The following NBAS variants were observed in gnomAD, a reference collection of about 807,000 sequenced individuals.
The protein encoded by NBAS is NAG/BC035112 fusion.
NBAS carries 219 observed loss-of-function variants against 302.5 expected under a neutral mutation model. The observed-to-expected ratio is 0.72, with a 90% confidence interval of 0.65 to 0.81. NBAS has a LOEUF of 0.81. Ranked by LOEUF, NBAS falls within the 30% of genes least tolerant of loss-of-function variation. The probability of loss-of-function intolerance (pLI) is 0.00; values close to 1 mark genes in which losing one functional copy is unlikely to be tolerated. For synonymous variants in NBAS, 1,118 were observed against 1,021.6 expected, an observed-to-expected ratio of 1.09 and a Z score of -1.80; for missense variants, 2,932 against 2,841.6, an observed-to-expected ratio of 1.03 and a Z score of -0.72.
chr2:15,451,024 CTTCA>C (rs143577908), intron 21 of NBAS, among the ~76,000 whole-genome samples: 1 of 151,342 alleles, frequency 6.6e-6, no homozygotes, highest in Admixed American at 6.6e-5. Context: ...GGTAATTTAG[CTTCA>C]TTCATTCATT....
At chr2:15,318,149 AG>A (rs1481983189) in intron 38 of NBAS, among the ~76,000 whole-genome samples, 2 of 152,220 alleles carry the variant, frequency 1.3e-5, no homozygotes, top group African/African-American at 4.8e-5. Flanking sequence ...AGACAAACCA[AG>A]CTTCATAAGG....
the NBAS span, among the ~76,000 whole-genome samples, chr2:14,826,068 T>G: frequency 2.0e-5 from 3 of 152,320 alleles, no homozygotes; most frequent in South Asian, 4.1e-4. Context: ...TAAATGTTTT[T>G]TGTTTCAAGA....
At chr2:14,970,608 G>T in the NBAS span, among the ~76,000 whole-genome samples, 1 of 152,136 alleles carries the variant, frequency 6.6e-6, no homozygotes, top group Non-Finnish European at 1.5e-5. Context: ...TCTGGATTTC[G>T]GTCTCTTGGA....
the NBAS span, among the ~76,000 whole-genome samples, chr2:15,108,966 G>T: frequency 6.6e-6 from 1 of 152,032 alleles, no homozygotes; most frequent in African/African-American, 2.4e-5. Context: ...CAATCCACTG[G>T]AACAAGGAAA....
chr2:15,410,527 G>C (rs1158572349), intron 25 of NBAS, among the ~76,000 whole-genome samples: 2 of 152,012 alleles, frequency 1.3e-5, no homozygotes, highest in Admixed American at 6.5e-5. Context: ...CCAGATCTAA[G>C]AAAGAAAAAG....
the NBAS span, among the ~76,000 whole-genome samples, chr2:15,067,734 T>C: frequency 6.6e-6 from 1 of 152,130 alleles, no homozygotes; most frequent in Non-Finnish European, 1.5e-5. Context: ...GATGAGTAAG[T>C]TTAGAGATCT....
the NBAS span, among the ~76,000 whole-genome samples, chr2:14,862,465 G>A: frequency 1.6e-4 from 25 of 152,182 alleles, no homozygotes; most frequent in East Asian, 4.5e-3. Context: ...AGGTGGGTTA[G>A]CATAATTTCT....
the NBAS span, among the ~76,000 whole-genome samples, chr2:15,001,678 G>C: frequency 1.3e-5 from 2 of 152,042 alleles, no homozygotes; most frequent in African/African-American, 2.4e-5. Context: ...ATGAAGCCGC[G>C]GACCCTCGCA....
At chr2:14,954,869 TGGGTA>T in the NBAS span, among the ~76,000 whole-genome samples, 1 of 152,186 alleles carries the variant, frequency 6.6e-6, no homozygotes, top group Non-Finnish European at 1.5e-5. Context: ...AGATGAGATT[TGGGTA>T]GGGACACAGC....
Position 15,424,366 on chromosome 2 carries a change from A to T in NBAS, c.2526T>A (p.Val842=). 1 of 1,614,076 alleles carries T rather than the reference A, an allele frequency of 6.2e-7. No individual in the cohort carries two copies. Among genetic ancestry groups the T allele is most frequent in the Non-Finnish European group, 8.5e-7 (1 of 1,179,974 alleles). ...FRMTQLTVEK[V]MDWYQTRAEE... is the part of the protein sequence containing the mutation. ...CTGCTCTGGTCTGATACCAGTCCAT[A>T]ACCTTCTCCACCGTAAGCTGGGTCA... Residue 842 remains valine, a synonymous_variant, in exon 23 of 52, where the codon GTT becomes GTA. Transcript: ENST00000281513.
At chr2:15,365,237 C>G (rs1347098082) in intron 32 of NBAS, among the ~76,000 whole-genome samples, 2 of 152,172 alleles carry the variant, frequency 1.3e-5, no homozygotes, top group East Asian at 3.9e-4. Flanking sequence ...CACAGGTATT[C>G]CTGTTACTAT....
the NBAS span, among the ~76,000 whole-genome samples, chr2:14,782,941 C>T: frequency 6.6e-6 from 1 of 152,040 alleles, no homozygotes; most frequent in Non-Finnish European, 1.5e-5. Flanking sequence ...GAATAATAGA[C>T]ACTGAGGCCT....
chr2:15,407,625 C>T (rs970830645), intron 25 of NBAS, among the ~76,000 whole-genome samples: 8 of 152,202 alleles, frequency 5.3e-5, no homozygotes, highest in East Asian at 1.9e-4. Flanking sequence ...GATGTTGCTA[C>T]GTACACAGCA....
intron 35 of NBAS, among the ~76,000 whole-genome samples, chr2:15,331,041 G>A (rs1164410550): frequency 6.6e-6 from 1 of 152,030 alleles, no homozygotes; most frequent in Non-Finnish European, 1.5e-5. Context: ...TACTTATAAA[G>A]CAAATAATTG....
chr2:15,157,913 C>T, the NBAS span, among the ~76,000 whole-genome samples: 1 of 152,124 alleles, frequency 6.6e-6, no homozygotes, highest in African/African-American at 2.4e-5. Flanking sequence ...TTTGAGAATC[C>T]AAGGCCAAGC....
At chr2:15,278,758 G>C (rs1418900201) in intron 42 of NBAS, among the ~76,000 whole-genome samples, 1 of 151,992 alleles carries the variant, frequency 6.6e-6, no homozygotes, top group Non-Finnish European at 1.5e-5. Flanking sequence ...CCTGACAAAG[G>C]GCACAAAATT....
the NBAS span, among the ~76,000 whole-genome samples, chr2:14,978,706 C>T: frequency 6.6e-6 from 1 of 152,280 alleles, no homozygotes; most frequent in South Asian, 2.1e-4. Flanking sequence ...AGTCACAGAG[C>T]AAGTAGTGGC....
At chr2:15,494,999 AG>A (rs1261937337) in intron 11 of NBAS, among the ~76,000 whole-genome samples, 2 of 152,214 alleles carry the variant, frequency 1.3e-5, no homozygotes, top group Non-Finnish European at 2.9e-5. Flanking sequence ...CCTAACACGC[AG>A]GGAACATCTC....
chr2:15,159,803 G>GCACACACA, the NBAS span, among the ~76,000 whole-genome samples: 98 of 147,414 alleles, frequency 6.6e-4, no homozygotes, highest in African/African-American at 2.2e-3. Flanking sequence ...ACACACGCGT[G>GCACACACA]CACACACACA....
Sources: gnomAD v4.1 joint callset for allele counts (sites outside exome capture counted in the v4.1 genomes callset) on GRCh38, gnomAD v4.1.1 for gene constraint, MANE v1.5 for transcripts, NCBI Gene and HGNC (gene_info 2026-07-23, HGNC 2026-07-21) for gene names.